UBE2E2: variants seen among roughly 807,000 people sequenced by gnomAD.
The protein encoded by UBE2E2 is ubiquitin conjugating enzyme E2 E2, also known as ubiquitin-conjugating enzyme E2 E2.
A neutral mutation model predicts 24.7 loss-of-function variants in UBE2E2; 6 were observed. The observed-to-expected ratio is 0.24, with a 90% confidence interval of 0.13 to 0.48. The LOEUF (loss-of-function observed/expected upper bound fraction) is 0.48, where lower values mean the gene tolerates loss of function less well. Among genes scored for constraint, UBE2E2 ranks in the 20% least tolerant of loss-of-function variants. The pLI, the probability that UBE2E2 is intolerant of heterozygous loss-of-function variation, is 0.99. For synonymous variants in UBE2E2, 104 were observed against 83.6 expected (o/e 1.24, Z -1.33); for missense variants, 169 against 245.0 (o/e 0.69, Z 2.07).
chr3:23,253,171 AAAT>A (rs373803437), intron 3 of UBE2E2, among the ~76,000 whole-genome samples: 139 of 152,350 alleles, frequency 9.1e-4, no homozygotes, highest in African/African-American at 3.2e-3. Context: ...ATTATAAAGA[AAAT>A]AATAATCGAT....
rs1698474038 is a variant in UBE2E2 at position 23,280,717 on chromosome 3, A to T, written c.227+63405A>T. The stretch of plus-strand genomic sequence containing the variant: ...TGGGCTCAGTAAATATTTATTGACT[A>T]AAGGAATGAGTACTGGAGACTAGCC... On this transcript the variant is annotated intron_variant, in intron 3 of 5. Coordinates refer to ENST00000396703, the MANE Select transcript of UBE2E2 (RefSeq NM_152653.4). This position sits in a 1 kb window ranked among gnomAD's most constrained non-coding sequence, Gnocchi z 4.3. Among the ~76,000 whole-genome samples, 1 of 152,222 alleles carries T rather than the reference A, an allele frequency of 6.6e-6. No individual in the cohort carries two copies. Among genetic ancestry groups the T allele is most frequent in the Non-Finnish European group, 1.5e-5 (1 of 68,046 alleles).
chr3:23,409,179 T>G (rs1697440516), intron 3 of UBE2E2, among the ~76,000 whole-genome samples: 1 of 152,130 alleles, frequency 6.6e-6, no homozygotes, highest in African/African-American at 2.4e-5. Context: ...TTGGGATGAA[T>G]GTAGATAGAC....
intron 3 of UBE2E2, among the ~76,000 whole-genome samples, chr3:23,458,302 C>T (rs1451491489): frequency 1.3e-5 from 2 of 148,302 alleles, no homozygotes; most frequent in South Asian, 2.2e-4. Context: ...CAACATGTAT[C>T]GAGAGTTTGC....
chr3:23,356,941 T>C (rs1314161220), intron 3 of UBE2E2, among the ~76,000 whole-genome samples: 1 of 152,240 alleles, frequency 6.6e-6, no homozygotes, highest in East Asian at 1.9e-4. Flanking sequence ...AGATACACTG[T>C]GTAACTGGGT....
At chr3:23,366,163 A>G (rs1012152595) in intron 3 of UBE2E2, among the ~76,000 whole-genome samples, 1 of 152,182 alleles carries the variant, frequency 6.6e-6, no homozygotes, top group Admixed American at 6.5e-5. Context: ...GTAAAAAATA[A>G]TAGATGCTGT....
rs1404574796 is a variant in UBE2E2, at chr3:23,280,143, G to A, written c.227+62831G>A. On this transcript the variant is annotated intron_variant, in intron 3 of 5. Coordinates refer to ENST00000396703, the MANE Select transcript of UBE2E2 (RefSeq NM_152653.4). This position sits in a 1 kb window ranked among gnomAD's most constrained non-coding sequence, Gnocchi z 4.3. ...TCTTTTTTGAGGAAGCTTTTATAGA[G>A]AAGAAACACTGTGGGTTAGGATGGG... 6.6e-6 allele frequency among the ~76,000 whole-genome samples: 1 copy of A among 152,238 alleles called. No homozygotes were observed. Among genetic ancestry groups the A allele is most frequent in the Non-Finnish European group, 1.5e-5 (1 of 68,042 alleles).
chr3:23,472,158 A>G (rs1311136876), intron 3 of UBE2E2, among the ~76,000 whole-genome samples: 1 of 152,196 alleles, frequency 6.6e-6, no homozygotes, highest in Non-Finnish European at 1.5e-5. Flanking sequence ...AAATTAGGTG[A>G]TTGAGTAAAA....
intron 3 of UBE2E2, among the ~76,000 whole-genome samples, chr3:23,431,429 GCCA>G (rs1253144341): frequency 6.6e-6 from 1 of 151,752 alleles, no homozygotes; most frequent in Non-Finnish European, 1.5e-5. Flanking sequence ...AACAATAGTT[GCCA>G]CCAGCCAGCT....
At chr3:23,277,337 T>C (rs879310789) in intron 3 of UBE2E2, among the ~76,000 whole-genome samples, 2 of 152,190 alleles carry the variant, frequency 1.3e-5, no homozygotes, top group Admixed American at 1.3e-4. Flanking sequence ...TGCCAGATGC[T>C]AGACATGCTG....
chr3:23,382,588 G>A (rs1371201380), intron 3 of UBE2E2, among the ~76,000 whole-genome samples: 1 of 152,108 alleles, frequency 6.6e-6, no homozygotes, highest in Non-Finnish European at 1.5e-5. Context: ...TTTTTATCTT[G>A]AGCGAAGTAG....
At chr3:23,451,597 G>A (rs745383738) in intron 3 of UBE2E2, among the ~76,000 whole-genome samples, 10 of 152,182 alleles carry the variant, frequency 6.6e-5, no homozygotes, top group Non-Finnish European at 1.3e-4. Context: ...TGCTATCAGT[G>A]TAGTAAGATG....
intron 3 of UBE2E2, among the ~76,000 whole-genome samples, chr3:23,251,960 A>G (rs1230615058): frequency 6.6e-6 from 1 of 152,220 alleles, no homozygotes; most frequent in Non-Finnish European, 1.5e-5. Flanking sequence ...CAGTGTTATT[A>G]TAGGTCTTCA....
At chr3:23,470,546 A>G (rs1490509944) in intron 3 of UBE2E2, among the ~76,000 whole-genome samples, 1 of 152,192 alleles carries the variant, frequency 6.6e-6, no homozygotes, top group East Asian at 1.9e-4. Flanking sequence ...ATCTAAGACA[A>G]AGAGGAAAAA....
chr3:23,540,804 C>G (rs907809807), intron 5 of UBE2E2, among the ~76,000 whole-genome samples: 1 of 152,038 alleles, frequency 6.6e-6, no homozygotes, highest in Non-Finnish European at 1.5e-5. Flanking sequence ...AGCCCCCTAC[C>G]GGAACTCCTG....
intron 3 of UBE2E2, among the ~76,000 whole-genome samples, chr3:23,285,727 A>G (rs1006885199): frequency 6.6e-6 from 1 of 152,040 alleles, no homozygotes; most frequent in African/African-American, 2.4e-5. Context: ...TTTCTTTTTG[A>G]GACATAGCTT....
At chr3:23,568,671 A>T (rs1696142759) in intron 5 of UBE2E2, among the ~76,000 whole-genome samples, 1 of 141,070 alleles carries the variant, frequency 7.1e-6, no homozygotes, top group Admixed American at 7.2e-5. Context: ...ATATATACGC[A>T]CATATATGTA....
intron 3 of UBE2E2, among the ~76,000 whole-genome samples, chr3:23,302,441 G>T (rs1247445536): frequency 6.6e-6 from 1 of 151,758 alleles, no homozygotes; most frequent in Non-Finnish European, 1.5e-5. Context: ...TATTCCTTTG[G>T]CAAAAACACC....
chr3:23,217,461 T>G (rs1696508588), intron 3 of UBE2E2, 149 bp downstream of exon 3: 1 of 753,822 alleles, frequency 1.3e-6, no homozygotes, highest in Middle Eastern at 2.5e-4. Flanking sequence ...AGACAATGGT[T>G]TTTGTCATCT....
Position 23,548,017 on chromosome 3 carries a change from G to A in UBE2E2, c.508+15316G>A, listed in dbSNP as rs77376402. ...TGGAGGGAAGAGTGATACTCTTAAG[G>A]TTAGCATTAGACTCTCTCCTCTGCC... On this transcript the variant is annotated intron_variant, in intron 5 of 5. Coordinates refer to ENST00000396703, the MANE Select transcript of UBE2E2 (RefSeq NM_152653.4). Among the ~76,000 whole-genome samples, 301 of 152,282 alleles carry A rather than the reference G, an allele frequency of 2.0e-3. 9 individuals carry two copies. The East Asian group carries it at 0.047, about 24-fold the overall frequency.
Sources: allele counts gnomAD v4.1 joint callset (sites outside exome capture counted in the v4.1 genomes callset), GRCh38; gene constraint gnomAD v4.1.1; non-coding constraint Gnocchi (gnomAD v3.1); transcripts MANE v1.5; gene names NCBI Gene and HGNC (gene_info 2026-07-23, HGNC 2026-07-21).